The following FAT3 variants were observed in gnomAD, a reference collection of about 807,000 sequenced individuals.
FAT3 encodes the protein FAT atypical cadherin 3, also known as protocadherin Fat 3.
In FAT3, 95 loss-of-function variants were observed where a neutral mutation model predicts 310.2. The observed-to-expected ratio is 0.31, with a 90% CI of 0.26 to 0.36. The LOEUF (loss-of-function observed/expected upper bound fraction) is 0.36. Ranked by LOEUF, FAT3 falls within the 10% of genes least tolerant of loss-of-function variation. The probability of loss-of-function intolerance (pLI) is 1.00; values close to 1 mark genes in which losing one functional copy is unlikely to be tolerated. For synonymous variants in FAT3, 2,314 were observed against 2,192.9 expected (o/e 1.06, Z -1.54); for missense variants, 5,408 against 5,715.6 (o/e 0.95, Z 1.74).
intron 2 of FAT3, among the ~76,000 whole-genome samples, chr11:92,399,209 G>A (rs961914867): frequency 6.6e-6 from 1 of 152,120 alleles, no homozygotes; most frequent in African/African-American, 2.4e-5. Context: ...TAAGAGTTTT[G>A]TGGTTTTGTT....
At position 92,800,955 on chromosome 11, in the gene FAT3, G is replaced by A. The variant is rs1810386063; in HGVS notation, c.7942G>A (p.Ala2648Thr). 1 of 1,612,906 alleles carries A rather than the reference G, an allele frequency of 6.2e-7. No individual in the cohort carries two copies. The highest frequency in any genetic ancestry group is 1.3e-5 in the African/African-American group (1 of 74,914). ...CTATAGCGAGGCCTCTGTTTCAGTG[G>A]CCGACCTCCTGGAAATCGATCCTGA... ...SLYSEASVSV[A>T]DLLEIDPDNG... Residue 2648 changes from alanine to threonine, a missense_variant, in exon 10 of 28, where the codon GCC becomes ACC. Physicochemically the swap from Ala to Thr is moderately conservative, Grantham distance 58. Transcript: ENST00000525166.
At position 92,890,580 on chromosome 11, in the gene FAT3, T is replaced by A. The variant is rs373759014; in HGVS notation, c.13237T>A (p.Ser4413Thr). The A allele has an allele frequency of 2.6e-5, 42 of 1,612,356 alleles. No homozygotes were observed. The African/African-American group carries it at 4.6e-4, about 18-fold the overall frequency. ...VPNYENQDGG[S>T]AHQGSTRELE... Reference sequence around the variant, plus strand: ...CAACTATGAGAACCAGGATGGAGGGTCTGCACACCAGGGGAGCACACGGGA... The same window carrying A: ...CAACTATGAGAACCAGGATGGAGGGACTGCACACCAGGGGAGCACACGGGA... Residue 4413 changes from serine to threonine, a missense_variant, in exon 28 of 28, where the codon TCT becomes ACT. Ser to Thr is a moderately conservative substitution (Grantham distance 58). This residue lies in a region of FAT3 where 649 missense variants were observed against 666.2 expected (regional missense o/e 0.97). Coordinates refer to ENST00000525166, the MANE Select transcript of FAT3 (RefSeq NM_001367949.2).
chr11:92,765,177 A>G (rs1946272127), intron 6 of FAT3, 88 bp downstream of exon 6: 10 of 1,143,548 alleles, frequency 8.7e-6, no homozygotes, highest in Non-Finnish European at 1.2e-5. Flanking sequence ...AGAAAGCAAA[A>G]AACTAACAAT....
At chr11:92,708,740 A>C in intron 4 of FAT3, among the ~76,000 whole-genome samples, 1 of 152,254 alleles carries the variant, frequency 6.6e-6, no homozygotes, top group Non-Finnish European at 1.5e-5. Context: ...AGCCTACAGA[A>C]GTTCCTGGCA....
chr11:92,377,900 A>G lies in FAT3; in HGVS notation c.3292+22496A>G, dbSNP rs564402870. ...GACACGTTTTCTGGGCATCAGCTTT[A>G]CCTCCGAGTACATGGGGGATCTGTT... On this transcript the variant is annotated intron_variant, in intron 2 of 27. Coordinates refer to ENST00000525166, the MANE Select transcript of FAT3 (RefSeq NM_001367949.2). Among the ~76,000 whole-genome samples the G allele has an allele frequency of 1.4e-4, 21 of 152,212 alleles. No homozygotes were observed. In the South Asian group the frequency reaches 4.4e-3, roughly 32 times the overall value.
rs139087220 is a variant in FAT3 at position 92,504,892 on chromosome 11, G to T, written c.3293-19742G>T. ...TGTATTAAATGCCAAAATAAGGGTAGGTTATAAGTATGGTGGTGAAATGAG... is the reference window on the plus strand; with the variant it reads ...TGTATTAAATGCCAAAATAAGGGTATGTTATAAGTATGGTGGTGAAATGAG... On this transcript the variant is annotated intron_variant, in intron 2 of 27. Coordinates refer to ENST00000525166, the MANE Select transcript of FAT3 (RefSeq NM_001367949.2). 3.2e-3 allele frequency among the ~76,000 whole-genome samples: 480 copies of T among 152,200 alleles called. 4 individuals are homozygous for T. The highest frequency in any genetic ancestry group is 0.011 in the African/African-American group (448 of 41,542).
intron 3 of FAT3, among the ~76,000 whole-genome samples, chr11:92,651,620 C>T (rs1050442266): frequency 3.9e-5 from 6 of 152,182 alleles, no homozygotes; most frequent in African/African-American, 1.4e-4. Context: ...CTCAGTCAGT[C>T]TGAGTCAAGG....
Position 92,677,982 on chromosome 11 carries a change from G to C in FAT3, c.3608-19402G>C, listed in dbSNP as rs552586384. Among the ~76,000 whole-genome samples the C allele has an allele frequency of 2.4e-4, 36 of 152,248 alleles. No individual in the cohort carries two copies. The South Asian group carries it at 7.3e-3, about 31-fold the overall frequency. ...TACACCCTATGTAAATGAAGGAGTG[G>C]TCCCAACCAGACTGATTGACTGTGG... On this transcript the variant is annotated intron_variant, in intron 3 of 27. Transcript: ENST00000525166.
intron 2 of FAT3, among the ~76,000 whole-genome samples, chr11:92,387,678 C>T (rs1949657424): frequency 6.6e-6 from 1 of 152,004 alleles, no homozygotes; most frequent in African/African-American, 2.4e-5. Flanking sequence ...AATGGTGAGA[C>T]CTTTTATCTA....
chr11:92,351,011 T>C (rs1162412880), intron 1 of FAT3, among the ~76,000 whole-genome samples: 1 of 152,232 alleles, frequency 6.6e-6, no homozygotes, highest in African/African-American at 2.4e-5. Flanking sequence ...TGATTGATTT[T>C]ACTGGCTAAA....
intron 2 of FAT3, among the ~76,000 whole-genome samples, chr11:92,368,287 C>T (rs1203279777): frequency 1.3e-5 from 2 of 152,098 alleles, no homozygotes; most frequent in Admixed American, 1.3e-4. Context: ...TCTCCAAAGT[C>T]ACAACTTGTT....
chr11:92,508,978 T>C (rs1953202247), intron 2 of FAT3, among the ~76,000 whole-genome samples: 1 of 152,204 alleles, frequency 6.6e-6, no homozygotes, highest in East Asian at 1.9e-4. Flanking sequence ...AATTTTAATT[T>C]AAATTATGCC....
chr11:92,628,741 C>T (rs1011332623), intron 3 of FAT3, among the ~76,000 whole-genome samples: 1 of 152,216 alleles, frequency 6.6e-6, no homozygotes, highest in Non-Finnish European at 1.5e-5. Flanking sequence ...TCCCATTTAG[C>T]CCCAGACAGG....
chr11:92,792,841 C>T lies in FAT3; in HGVS notation c.4686C>T (p.His1562=), dbSNP rs370571424. The change falls in exon 9 of 28, where the codon CAC becomes CAT. Residue 1562 remains histidine, a synonymous_variant. Transcript: ENST00000525166. Reference sequence around the variant, plus strand: ...TGAATGTGGAGGATGCTAATGATCACAGTCCTTATTTTACCAACCCACTGT... The same window carrying T: ...TGAATGTGGAGGATGCTAATGATCATAGTCCTTATTTTACCAACCCACTGT... ...VIVNVEDAND[H]SPYFTNPLYE... is the part of the protein sequence containing the mutation. 6.2e-7 allele frequency: 1 copy of T among 1,613,746 alleles called. No individual in the cohort carries two copies.
chr11:92,390,838 A>G (rs1470086894), intron 2 of FAT3, among the ~76,000 whole-genome samples: 2 of 152,080 alleles, frequency 1.3e-5, no homozygotes, highest in East Asian at 3.9e-4. Context: ...GGTGAGCAAA[A>G]ATGTAGTCCT....
intron 1 of FAT3, among the ~76,000 whole-genome samples, chr11:92,261,290 C>A (rs1865543555): frequency 6.6e-6 from 1 of 152,084 alleles, no homozygotes; most frequent in Admixed American, 6.6e-5. Context: ...GGGCTACACC[C>A]AGTTTAAAGA....
chr11:92,486,152 TTTTTTTG>T (rs1952389085), intron 2 of FAT3, among the ~76,000 whole-genome samples: 1 of 140,828 alleles, frequency 7.1e-6, no homozygotes, highest in African/African-American at 2.6e-5. Context: ...TTTTTTTTTT[TTTTTTTG>T]GTAGACTCAT....
intron 3 of FAT3, among the ~76,000 whole-genome samples, chr11:92,582,834 A>G (rs1591483150): frequency 6.6e-6 from 1 of 152,034 alleles, no homozygotes; most frequent in Non-Finnish European, 1.5e-5. Flanking sequence ...GGAAAATGCA[A>G]TACTGTGAAT....
At chr11:92,778,320 T>A (rs1255203138) in intron 7 of FAT3, among the ~76,000 whole-genome samples, 1 of 152,110 alleles carries the variant, frequency 6.6e-6, no homozygotes, top group East Asian at 1.9e-4. Flanking sequence ...GCTTACCCAT[T>A]CTCTACACTA....
Sources: allele counts gnomAD v4.1 joint callset (sites outside exome capture counted in the v4.1 genomes callset), GRCh38; gene constraint gnomAD v4.1.1; regional missense constraint gnomAD v4.1.1; transcripts MANE v1.5; gene names NCBI Gene and HGNC (gene_info 2026-07-23, HGNC 2026-07-21).